The following GJA3 variants were observed in gnomAD, a reference collection of about 807,000 sequenced individuals.
The protein encoded by GJA3 is gap junction protein alpha 3, also known as gap junction alpha-3 protein.
For synonymous variants in GJA3, 297 were observed against 292.6 expected, an observed-to-expected ratio of 1.02 and a Z score of -0.15; for missense variants, 571 against 620.3, an observed-to-expected ratio of 0.92 and a Z score of 0.84.
intron 1 of GJA3, among the ~76,000 whole-genome samples, chr13:20,149,655 G>A (rs1958865062): frequency 6.6e-6 from 1 of 152,184 alleles, no homozygotes; most frequent in African/African-American, 2.4e-5. Context: ...GGGAAAAGTG[G>A]GATTTCAGCT....
rs1268240189 is a variant in GJA3, at chr13:20,142,088, C to T, written c.1201G>A (p.Ala401Thr). 2.6e-5 allele frequency: 41 copies of T among 1,549,004 alleles called. No homozygotes were observed. The highest frequency in any genetic ancestry group is 3.3e-5 in the Non-Finnish European group (38 of 1,146,458). ...PEEEEQAVTT[A>T]AQMHQPPLPL... ...AAGGGCGGCTGGTGCATCTGGGCCG[C>T]GGTGGTCACGGCCTGCTCCTCCTCC... The change falls in exon 2 of 2, where the codon GCG (alanine) becomes ACG (threonine). Residue 401 changes from alanine to threonine, a missense_variant. Ala to Thr is a moderately conservative substitution (Grantham distance 58). Transcript: ENST00000241125.
At position 20,142,789 on chromosome 13, in the gene GJA3, T is replaced by C. The variant is rs935525407; in HGVS notation, c.500A>G (p.Gln167Arg). ...TLFEVGFIAG[Q>R]YFLYGFELKP... ...CAGCTCGAAGCCGTACAGAAAGTAC[T>C]GGCCGGCGATGAAGCCCACCTCGAA... is the stretch of plus-strand genomic sequence containing the variant. The change falls in exon 2 of 2, where the codon CAG (glutamine) becomes CGG (arginine). Residue 167 changes from glutamine (Q) to arginine (R), a missense_variant. Transcript: ENST00000241125. 1.2e-6 allele frequency: 2 copies of C among 1,613,640 alleles called. No homozygotes were observed. The highest frequency in any genetic ancestry group is 3.3e-5 in the Admixed American group (2 of 60,022).
chr13:20,148,771 A>G (rs1958859079), intron 1 of GJA3, among the ~76,000 whole-genome samples: 1 of 152,256 alleles, frequency 6.6e-6, no homozygotes, highest in Non-Finnish European at 1.5e-5. Flanking sequence ...GCTTTCGCTC[A>G]TCACCCACGG....
At chr13:20,143,396 TG>T in intron 1 of GJA3, 91 bp from the exon 2 acceptor site, 1 of 853,184 alleles carries the variant, frequency 1.2e-6, no homozygotes, top group East Asian at 2.7e-5. Flanking sequence ...TGGATGGTAC[TG>T]GGATGGGGCT....
At position 20,143,078 on chromosome 13, in the gene GJA3, G is replaced by C; in HGVS notation, c.211C>G (p.Pro71Ala). 1 of 1,613,986 alleles carries C rather than the reference G, an allele frequency of 6.2e-7. No homozygotes were observed. ...GCCCAGAAGCGGATGTGGGAGATGG[G>C]GAAGGCCCTGTCGTAGCAGACGTTC... ...CENVCYDRAF[P>A]ISHIRFWALQ... Residue 71 changes from proline (P) to alanine (A), a missense_variant, in exon 2 of 2, where the codon CCC becomes GCC. Pro to Ala is a conservative substitution (Grantham distance 27). Coordinates refer to ENST00000241125, the MANE Select transcript of GJA3 (RefSeq NM_021954.4).
upstream of GJA3, among the ~76,000 whole-genome samples, chr13:20,161,510 G>A (rs1958938207): frequency 2.0e-5 from 3 of 152,192 alleles, no homozygotes; most frequent in South Asian, 6.2e-4. Flanking sequence ...CGTGGGCGTC[G>A]GGCACCTAGG....
chr13:20,151,670 C>T (rs368952124), intron 1 of GJA3, among the ~76,000 whole-genome samples: 110 of 152,156 alleles, frequency 7.2e-4, no homozygotes, highest in African/African-American at 2.3e-3. Context: ...GGGCATCCCT[C>T]GTGGGCTCAA....
At chr13:20,147,657 CTA>C (rs1227180386) in intron 1 of GJA3, among the ~76,000 whole-genome samples, 2 of 152,182 alleles carry the variant, frequency 1.3e-5, no homozygotes, top group Non-Finnish European at 2.9e-5. Context: ...TCTGCATTTT[CTA>C]TGACAACATA....
rs1442853528 is a variant in GJA3, at chr13:20,139,760, AT to A, written c.*2220del. 3.3e-5 allele frequency: 5 copies of A among 152,212 alleles called. No homozygotes were observed. Among genetic ancestry groups the A allele is most frequent in the Non-Finnish European group, 7.3e-5 (5 of 68,034 alleles). 9.4% of individuals were successfully genotyped at this position (152,212 alleles called of 1,614,324 possible). A position where few individuals can be genotyped will look rare whatever the true frequency, so the allele number is the denominator to read the frequency against. ...ATTTCCATAAACATATTGTGACTAA[AT>A]TCAATTTTAAAATGTAAAAACTAGA... On this transcript the variant is annotated 3_prime_UTR_variant, in exon 2 of 2. Coordinates refer to ENST00000241125, the MANE Select transcript of GJA3 (RefSeq NM_021954.4).
Position 20,142,471 on chromosome 13 carries a change from G to A in GJA3, c.818C>T (p.Ala273Val). 6.5e-7 allele frequency: 1 copy of A among 1,543,566 alleles called. No individual in the cohort carries two copies. Among genetic ancestry groups the A allele is most frequent in the Admixed American group, 2.0e-5 (1 of 51,054 alleles). The change falls in exon 2 of 2, where the codon GCG (alanine) becomes GTG (valine). Residue 273 changes from alanine to valine, a missense_variant. By Grantham distance (64) the Ala-to-Val change is moderately conservative (BLOSUM62 0). Coordinates refer to ENST00000241125, the MANE Select transcript of GJA3 (RefSeq NM_021954.4). ...AVAIGFPPYY[A>V]HTAAPLGQAR... ...CTGTCCCAGGGGCGCAGCGGTGTGCGCATAGTAGGGTGGGAACCCGATGGC... is the reference window on the plus strand; with the variant it reads ...CTGTCCCAGGGGCGCAGCGGTGTGCACATAGTAGGGTGGGAACCCGATGGC...
At chr13:20,145,942 C>T (rs1958839568) in intron 1 of GJA3, among the ~76,000 whole-genome samples, 1 of 152,212 alleles carries the variant, frequency 6.6e-6, no homozygotes, top group Non-Finnish European at 1.5e-5. Context: ...CAAGAGCAGC[C>T]TCTGGGCTCT....
chr13:20,156,905 C>G (rs184193284), intron 1 of GJA3, among the ~76,000 whole-genome samples: 3 of 152,194 alleles, frequency 2.0e-5, no homozygotes, highest in African/African-American at 7.2e-5. Context: ...CCTGCCAAGA[C>G]GCCCCACTGG....
intron 1 of GJA3, among the ~76,000 whole-genome samples, chr13:20,153,337 T>A (rs902144635): frequency 6.6e-5 from 10 of 152,236 alleles, no homozygotes; most frequent in African/African-American, 2.2e-4. Flanking sequence ...AGCACATGTA[T>A]GTTTACTGCA....
intron 1 of GJA3, among the ~76,000 whole-genome samples, chr13:20,159,310 C>T (rs997781333): frequency 3.3e-5 from 5 of 151,796 alleles, no homozygotes; most frequent in African/African-American, 1.2e-4. Flanking sequence ...GTAAGTACTA[C>T]ATAGTACTGG....
rs1593334086 is a variant in GJA3 at position 20,143,052 on chromosome 13, C to T, written c.237G>A (p.Ala79=). Residue 79 remains alanine (A), a synonymous_variant, in exon 2 of 2, where the codon GCG becomes GCA. Coordinates refer to ENST00000241125, the MANE Select transcript of GJA3 (RefSeq NM_021954.4). ...GCGTGGACACGAAGATGATCTGCAG[C>T]GCCCAGAAGCGGATGTGGGAGATGG... ...AFPISHIRFW[A]LQIIFVSTPT... is the part of the protein sequence containing the mutation. The T allele has an allele frequency of 3.1e-6, 5 of 1,613,552 alleles. No homozygotes were observed. The highest frequency in any genetic ancestry group is 1.3e-5 in the African/African-American group (1 of 75,044).
At chr13:20,151,061 G>C (rs1958873939) in intron 1 of GJA3, among the ~76,000 whole-genome samples, 1 of 150,270 alleles carries the variant, frequency 6.7e-6, no homozygotes, top group African/African-American at 2.4e-5. Context: ...AGGTACCCCA[G>C]ATGGGGTGGT....
At chr13:20,148,183 C>A (rs9509056) in intron 1 of GJA3, among the ~76,000 whole-genome samples, 3,830 of 151,930 alleles carry the variant, frequency 0.025, 74 homozygotes, top group Non-Finnish European at 0.038. Flanking sequence ...CACCTCCCTT[C>A]GCCGTCAGAC....
chr13:20,145,106 T>C (rs1336506601), intron 1 of GJA3, among the ~76,000 whole-genome samples: 1 of 152,098 alleles, frequency 6.6e-6, no homozygotes, highest in East Asian at 1.9e-4. Context: ...TGCTTGAACC[T>C]GGAAGGCAGA....
At chr13:20,150,235 C>T (rs912972455) in intron 1 of GJA3, among the ~76,000 whole-genome samples, 10 of 152,058 alleles carry the variant, frequency 6.6e-5, no homozygotes, top group Non-Finnish European at 1.2e-4. Flanking sequence ...GAGACAGGAA[C>T]GAAGACAATC....
Sources: gnomAD v4.1 joint callset for allele counts (sites outside exome capture counted in the v4.1 genomes callset) on GRCh38, gnomAD v4.1.1 for gene constraint, MANE v1.5 for transcripts, NCBI Gene and HGNC (gene_info 2026-07-23, HGNC 2026-07-21) for gene names.